GRIK1: variants seen among roughly 807,000 people sequenced by gnomAD.
GRIK1 encodes glutamate receptor ionotropic, kainate 1.
GRIK1 carries 69 observed loss-of-function variants against 105.7 expected under a neutral mutation model. The observed-to-expected ratio is 0.65, with a 90% CI of 0.54 to 0.80. The LOEUF is 0.80. Ranked by LOEUF, GRIK1 falls within the 30% of genes least tolerant of loss-of-function variation. GRIK1 has a pLI of 0.00. For synonymous variants in GRIK1, 438 were observed against 431.3 expected, an observed-to-expected ratio of 1.02 and a Z score of -0.19; for missense variants, 1,109 against 1,167.3, an observed-to-expected ratio of 0.95 and a Z score of 0.73.
chr21:29,930,765 G>A (rs2071538340), intron 1 of GRIK1, among the ~76,000 whole-genome samples: 1 of 152,196 alleles, frequency 6.6e-6, no homozygotes, highest in Non-Finnish European at 1.5e-5. Context: ...ATGACCATCA[G>A]ATTAGCAACT....
intron 1 of GRIK1, among the ~76,000 whole-genome samples, chr21:29,724,479 C>A (rs916576382): frequency 1.3e-5 from 2 of 152,162 alleles, no homozygotes. Context: ...AAATAGCCTG[C>A]AATACCCCTA....
At chr21:29,624,806 G>A (rs868425889) in intron 7 of GRIK1, among the ~76,000 whole-genome samples, 1 of 152,200 alleles carries the variant, frequency 6.6e-6, no homozygotes, top group Admixed American at 6.5e-5. Context: ...TTTGGCTTAC[G>A]GAGGACCAAG....
In GRIK1 at chr21:29,720,483, ATGTGTGTGTATATGTGTG is replaced by A. The variant is rs578000848; in HGVS notation, c.119-26438_119-26421del. 2.1e-3 allele frequency among the ~76,000 whole-genome samples: 326 copies of A among 151,764 alleles called. 1 individual carries two copies. The highest frequency in any genetic ancestry group is 7.6e-3 in the African/African-American group (312 of 41,150). ...GTTAAGTGATAGAGCAACCAGTTGC[ATGTGTGTGTATATGTGTG>A]TGTGTGTGTGTATGCTGCGTGTGTG... On this transcript the variant is annotated intron_variant, in intron 1 of 17. Coordinates refer to ENST00000327783, the MANE Select transcript of GRIK1 (RefSeq NM_001330994.2).
intron 7 of GRIK1, among the ~76,000 whole-genome samples, chr21:29,637,487 T>C (rs2062421208): frequency 1.3e-5 from 2 of 152,224 alleles, no homozygotes; most frequent in South Asian, 2.1e-4. Flanking sequence ...CTAAAATTCA[T>C]GTGCTGAAAT....
intron 4 of GRIK1, among the ~76,000 whole-genome samples, chr21:29,662,678 C>A (rs1049168209): frequency 1.3e-5 from 2 of 152,110 alleles, no homozygotes; most frequent in Non-Finnish European, 2.9e-5. Context: ...CACGAGATCT[C>A]TATTGCCCAG....
chr21:29,772,239 A>T (rs750135313), intron 1 of GRIK1, among the ~76,000 whole-genome samples: 2 of 152,260 alleles, frequency 1.3e-5, no homozygotes, highest in East Asian at 3.9e-4. Flanking sequence ...AACTGAATAC[A>T]ATTTTTGTTC....
rs557674270 is a variant in GRIK1, at chr21:29,571,336, G to A, written c.2130+5628C>T. Among the ~76,000 whole-genome samples, 5 of 151,014 alleles carry A rather than the reference G, an allele frequency of 3.3e-5. No individual in the cohort carries two copies. In the East Asian group the frequency reaches 5.8e-4, roughly 18 times the overall value. On this transcript the variant is annotated intron_variant, in intron 14 of 17. Transcript: ENST00000327783. ...CACGCCATTGTACTACAGCCTGGGC[G>A]ACAGAGCAAGACTCCATTAAAAAAA...
intron 1 of GRIK1, among the ~76,000 whole-genome samples, chr21:29,696,271 C>T (rs2063700535): frequency 6.6e-6 from 1 of 152,154 alleles, no homozygotes; most frequent in East Asian, 1.9e-4. Flanking sequence ...TGACAATACA[C>T]CTACTATGTA....
At chr21:29,609,683 A>G (rs1226359276) in intron 7 of GRIK1, among the ~76,000 whole-genome samples, 2 of 152,090 alleles carry the variant, frequency 1.3e-5, no homozygotes, top group Non-Finnish European at 2.9e-5. Flanking sequence ...ATCTCATCTC[A>G]TCTTCTACTA....
chr21:29,881,163 C>G (rs992536), intron 1 of GRIK1, among the ~76,000 whole-genome samples: 12,186 of 152,176 alleles, frequency 0.08, 1,308 homozygotes, highest in African/African-American at 0.25. Context: ...TTAAAGTACT[C>G]TGAACCACTT....
At chr21:29,788,307 AG>A (rs2066316255) in intron 1 of GRIK1, among the ~76,000 whole-genome samples, 1 of 152,334 alleles carries the variant, frequency 6.6e-6, no homozygotes, top group Non-Finnish European at 1.5e-5. Context: ...CATTGCGAAA[AG>A]ACATTTGCAG....
intron 1 of GRIK1, among the ~76,000 whole-genome samples, chr21:29,936,876 C>A (rs1255977974): frequency 6.6e-6 from 1 of 152,112 alleles, no homozygotes; most frequent in Non-Finnish European, 1.5e-5. Context: ...TATATGAGGA[C>A]CCAGTACTAA....
intron 1 of GRIK1, among the ~76,000 whole-genome samples, chr21:29,936,833 A>G (rs955132969): frequency 6.6e-6 from 1 of 152,186 alleles, no homozygotes; most frequent in Non-Finnish European, 1.5e-5. Context: ...GTAGACCAGT[A>G]ATTAATTCAT....
intron 1 of GRIK1, chr21:29,763,571 C>G (rs918486877): frequency 6.6e-6 from 1 of 152,362 alleles, no homozygotes; most frequent in Non-Finnish European, 1.5e-5. Flanking sequence ...CTTTCTCCTG[C>G]CCTTAGGGTA....
At position 29,786,189 on chromosome 21, in the gene GRIK1, A is replaced by T. The variant is rs538245143; in HGVS notation, c.119-92126T>A. Among the ~76,000 whole-genome samples the T allele has an allele frequency of 3.9e-5, 6 of 152,254 alleles. No homozygotes were observed. In the East Asian group the frequency reaches 1.2e-3, roughly 29 times the overall value. On this transcript the variant is annotated intron_variant, in intron 1 of 17. Coordinates refer to ENST00000327783, the MANE Select transcript of GRIK1 (RefSeq NM_001330994.2). The stretch of plus-strand genomic sequence containing the variant: ...TTTTTAGTAGAGATGGGGTTTCCCC[A>T]TGTTGGCCAGGATGGTCTCGATCTC...
chr21:29,827,408 G>C (rs1018084544), intron 1 of GRIK1, among the ~76,000 whole-genome samples: 1 of 152,110 alleles, frequency 6.6e-6, no homozygotes, highest in East Asian at 1.9e-4. Flanking sequence ...ATGAGTCAAC[G>C]GCAAGTCATA....
chr21:29,727,165 A>G (rs1393376711), intron 1 of GRIK1, among the ~76,000 whole-genome samples: 1 of 152,130 alleles, frequency 6.6e-6, no homozygotes, highest in Admixed American at 6.6e-5. Context: ...AGCTCAGGTG[A>G]TCCATCTGCC....
At chr21:29,828,747 G>T (rs968104447) in intron 1 of GRIK1, among the ~76,000 whole-genome samples, 6 of 152,082 alleles carry the variant, frequency 3.9e-5, no homozygotes, top group Admixed American at 2.0e-4. Flanking sequence ...CAATCCTCTT[G>T]CTTGGCCTTC....
intron 1 of GRIK1, among the ~76,000 whole-genome samples, chr21:29,802,882 C>T (rs1041701923): frequency 2.0e-5 from 3 of 152,108 alleles, no homozygotes; most frequent in African/African-American, 4.8e-5. Flanking sequence ...ACTCACAATA[C>T]GTTGCATGTT....
Sources: gnomAD v4.1 joint callset for allele counts (sites outside exome capture counted in the v4.1 genomes callset) on GRCh38, gnomAD v4.1.1 for gene constraint, MANE v1.5 for transcripts, NCBI Gene and HGNC (gene_info 2026-07-23, HGNC 2026-07-21) for gene names.